Variants in NHEJ1 observed in about 807,000 individuals in gnomAD.
The protein encoded by NHEJ1 is non-homologous end joining factor 1.
Under a neutral mutation model 39.4 loss-of-function variants are expected in NHEJ1, and 22 were observed. That is an observed-to-expected ratio of 0.56 (90% CI 0.40 to 0.80). The LOEUF is 0.80. NHEJ1 is among the 30% of genes least tolerant of loss of function. The pLI is 0.00. For synonymous variants in NHEJ1, 154 were observed against 135.6 expected (o/e 1.14, Z -0.94); for missense variants, 329 against 357.1 (o/e 0.92, Z 0.63).
intron 5 of NHEJ1, among the ~76,000 whole-genome samples, chr2:219,097,663 C>T (rs1186367833): frequency 2.0e-5 from 3 of 152,004 alleles, no homozygotes; most frequent in Admixed American, 6.6e-5. Context: ...ATGGGATGAG[C>T]AGGCTTGATG....
chr2:219,151,106 T>G (rs1574744505), intron 3 of NHEJ1, among the ~76,000 whole-genome samples: 1 of 131,156 alleles, frequency 7.6e-6, no homozygotes, highest in African/African-American at 3.0e-5. Context: ...CCAGACTAGG[T>G]GACAGAGTGA....
chr2:219,158,872 G>T, intron 1 of NHEJ1: 1 of 181,556 alleles, frequency 5.5e-6, no homozygotes, highest in South Asian at 1.1e-4. Flanking sequence ...GAAGCTCTCA[G>T]GATTTTTTTA....
At position 219,074,600 on chromosome 2, in the gene NHEJ1, C is replaced by T. The variant is rs534200253; in HGVS notation, c.*1781G>A. ...CTCTACAAAAAATACAAAAATTAGCCGGGCTTGGTGGCAGGCATCTAATCC... is the reference window on the plus strand; with the variant it reads ...CTCTACAAAAAATACAAAAATTAGCTGGGCTTGGTGGCAGGCATCTAATCC... On this transcript the variant is annotated 3_prime_UTR_variant, in exon 8 of 8. Transcript: ENST00000356853. Among the ~76,000 whole-genome samples, 93 of 151,986 alleles carry T rather than the reference C, an allele frequency of 6.1e-4. No homozygotes were observed. The highest frequency in any genetic ancestry group is 3.6e-3 in the Admixed American group (55 of 15,232).
At chr2:219,153,392 G>C (rs1189635420) in intron 3 of NHEJ1, among the ~76,000 whole-genome samples, 1 of 152,146 alleles carries the variant, frequency 6.6e-6, no homozygotes, top group Non-Finnish European at 1.5e-5. Flanking sequence ...TTTGGATATA[G>C]CTCCTAGGAA....
rs757046280 is a variant in NHEJ1 at position 219,078,074 on chromosome 2, C to G, written c.706+15G>C. The G allele has an allele frequency of 1.9e-6, 3 of 1,586,506 alleles. No homozygotes were observed. The highest frequency in any genetic ancestry group is 4.5e-5 in the East Asian group (2 of 44,748). On this transcript the variant is annotated intron_variant, in intron 6 of 7. Transcript: ENST00000356853. ...TTGTATCCTCACACAGACCGGGTACCTCTGGAGGGCTCACCAGCGCCTTGA... is the reference window on the plus strand; with the variant it reads ...TTGTATCCTCACACAGACCGGGTACGTCTGGAGGGCTCACCAGCGCCTTGA...
At chr2:219,157,918 C>G (rs1949870652) in intron 2 of NHEJ1, among the ~76,000 whole-genome samples, 1 of 151,106 alleles carries the variant, frequency 6.6e-6, no homozygotes, top group Non-Finnish European at 1.5e-5. Context: ...AAAGGCCTAT[C>G]TAGATCAAAT....
chr2:219,138,956 T>A (rs1949663588), intron 5 of NHEJ1, among the ~76,000 whole-genome samples: 2 of 152,330 alleles, frequency 1.3e-5, no homozygotes, highest in South Asian at 4.1e-4. Flanking sequence ...TCCACTTAAG[T>A]GTGACCCAGA....
intron 5 of NHEJ1, among the ~76,000 whole-genome samples, chr2:219,085,343 G>A (rs1190706503): frequency 6.6e-6 from 1 of 152,120 alleles, no homozygotes; most frequent in African/African-American, 2.4e-5. Flanking sequence ...AACCTGATAC[G>A]GGGTCTCTCT....
intron 3 of NHEJ1, 37 bp from the exon 4 acceptor site, chr2:219,147,832 T>G: frequency 1.9e-6 from 3 of 1,610,192 alleles, no homozygotes; most frequent in Non-Finnish European, 2.5e-6. Context: ...CAAAAGACTC[T>G]TATAAAGTAC....
rs868628255 is a variant in NHEJ1 at position 219,077,130 on chromosome 2, T to C, written c.825+116A>G. On this transcript the variant is annotated intron_variant, in intron 7 of 7. Transcript: ENST00000356853. ...CTACAATTTGGAGCCTGGTCACAAA[T>C]ATCCCTCAATATTTTTGAGGCAGTG... 4 of 793,578 alleles carry C rather than the reference T, an allele frequency of 5.0e-6. No individual in the cohort carries two copies. The South Asian group carries it at 5.6e-5, about 11-fold the overall frequency. The allele number at this position is 793,578 out of a possible 1,614,324, so 49.2% of individuals were successfully genotyped here. A position where few individuals can be genotyped will look rare whatever the true frequency, so the allele number is the denominator to read the frequency against.
At chr2:219,156,044 T>A (rs1282757514) in intron 3 of NHEJ1, among the ~76,000 whole-genome samples, 3 of 151,508 alleles carry the variant, frequency 2.0e-5, no homozygotes, top group Admixed American at 2.0e-4. Flanking sequence ...GGTCAGGAGA[T>A]CGAGACCATC....
intron 5 of NHEJ1, among the ~76,000 whole-genome samples, chr2:219,094,775 G>A (rs550919633): frequency 6.6e-6 from 1 of 152,162 alleles, no homozygotes; most frequent in Non-Finnish European, 1.5e-5. Context: ...GCTCACTTAG[G>A]AGGCACAAAC....
At chr2:219,144,782 C>G (rs1487434036) in intron 5 of NHEJ1, among the ~76,000 whole-genome samples, 1 of 152,082 alleles carries the variant, frequency 6.6e-6, no homozygotes, top group Non-Finnish European at 1.5e-5. Context: ...GGGGATGAGG[C>G]AGGGAACCAG....
rs937516798 is a variant in NHEJ1, at chr2:219,071,756, CTT to C, written c.*4623_*4624del. Among the ~76,000 whole-genome samples the C allele has an allele frequency of 1.3e-5, 2 of 152,202 alleles. No homozygotes were observed. The highest frequency in any genetic ancestry group is 4.8e-5 in the African/African-American group (2 of 41,454). On this transcript the variant is annotated 3_prime_UTR_variant, in exon 8 of 8. Coordinates refer to ENST00000356853, the MANE Select transcript of NHEJ1 (RefSeq NM_024782.3). ...TGTGTGCTCCCCACACCCTGGAGCTCTTCCAGTGCTTCTTCCGGGTTCCCCTG... is the reference window on the plus strand; with the variant it reads ...TGTGTGCTCCCCACACCCTGGAGCTCCCAGTGCTTCTTCCGGGTTCCCCTG...
chr2:219,136,680 G>A (rs753730278), intron 5 of NHEJ1, among the ~76,000 whole-genome samples: 4 of 152,124 alleles, frequency 2.6e-5, no homozygotes, highest in Non-Finnish European at 5.9e-5. Flanking sequence ...TCGGCTCACT[G>A]CAACCTCTGC....
At chr2:219,103,106 G>A (rs927152736) in intron 5 of NHEJ1, among the ~76,000 whole-genome samples, 1 of 149,244 alleles carries the variant, frequency 6.7e-6, no homozygotes, top group African/African-American at 2.5e-5. Context: ...TCTTGAACCT[G>A]GGAGGCAGAG....
At chr2:219,127,900 C>A (rs374257455) in intron 5 of NHEJ1, among the ~76,000 whole-genome samples, 20 of 152,328 alleles carry the variant, frequency 1.3e-4, no homozygotes, top group African/African-American at 4.6e-4. Flanking sequence ...AACCTTGGCA[C>A]TGGAAAATAA....
At chr2:219,154,935 CAT>C (rs894281268) in intron 3 of NHEJ1, among the ~76,000 whole-genome samples, 49 of 146,218 alleles carry the variant, frequency 3.4e-4, no homozygotes, top group Admixed American at 8.9e-4. Flanking sequence ...ATTAATATAA[CAT>C]ATAATATATG....
rs746348674 is a variant in NHEJ1 at position 219,072,816 on chromosome 2, G to T, written c.*3565C>A. On this transcript the variant is annotated 3_prime_UTR_variant, in exon 8 of 8. Coordinates refer to ENST00000356853, the MANE Select transcript of NHEJ1 (RefSeq NM_024782.3). Reference sequence around the variant, plus strand: ...GCGAATCTGTGTAGTTTTGTAAGTAGGAGAAAATGAGAGACAGAATAAACA... The same window carrying T: ...GCGAATCTGTGTAGTTTTGTAAGTATGAGAAAATGAGAGACAGAATAAACA... 3.3e-5 allele frequency among the ~76,000 whole-genome samples: 5 copies of T among 152,162 alleles called. No homozygotes were observed. The highest frequency in any genetic ancestry group is 7.3e-5 in the Non-Finnish European group (5 of 68,034).
Sources: allele counts gnomAD v4.1 joint callset (sites outside exome capture counted in the v4.1 genomes callset), GRCh38; gene constraint gnomAD v4.1.1; transcripts MANE v1.5; gene names NCBI Gene and HGNC (gene_info 2026-07-23, HGNC 2026-07-21).